The following C2CD5 variants were observed in gnomAD, a reference collection of about 807,000 sequenced individuals.
C2CD5 encodes C2 calcium dependent domain containing 5.
A neutral mutation model predicts 130.3 loss-of-function variants in C2CD5; 109 were observed. The ratio of observed to expected loss-of-function variants is 0.84; its 90% CI spans 0.72 to 0.98. The LOEUF (loss-of-function observed/expected upper bound fraction) is 0.98. C2CD5 is among the 50% of genes least tolerant of loss of function. The pLI, the probability that C2CD5 is intolerant of heterozygous loss-of-function variation, is 0.00. For synonymous variants in C2CD5, 454 were observed against 429.2 expected, an observed-to-expected ratio of 1.06 and a Z score of -0.71; for missense variants, 996 against 1,261.8, an observed-to-expected ratio of 0.79 and a Z score of 3.19.
At chr12:22,534,899 T>C (rs1324126513) in intron 3 of C2CD5, 1 of 163,144 alleles carries the variant, frequency 6.1e-6, no homozygotes, top group East Asian at 1.8e-4. Flanking sequence ...ACTGTACACT[T>C]ACAAATGATT....
At chr12:22,506,177 T>C (rs1948510437) in intron 10 of C2CD5, among the ~76,000 whole-genome samples, 3 of 152,126 alleles carry the variant, frequency 2.0e-5, no homozygotes, top group Admixed American at 2.0e-4. Flanking sequence ...CCCACAGTGT[T>C]TACATAGGTC....
intron 12 of C2CD5, among the ~76,000 whole-genome samples, chr12:22,487,848 G>T (rs988647778): frequency 3.3e-5 from 5 of 152,078 alleles, no homozygotes; most frequent in East Asian, 1.9e-4. Flanking sequence ...GTGGCACCTA[G>T]ACACCATGGA....
chr12:22,519,249 T>C, intron 7 of C2CD5: 2 of 1,534,698 alleles, frequency 1.3e-6, no homozygotes, highest in Non-Finnish European at 1.7e-6. Context: ...CCTGAGGGAA[T>C]TTGTGGTCAA....
chr12:22,485,269 T>A (rs1413477091), intron 12 of C2CD5, among the ~76,000 whole-genome samples: 1 of 151,856 alleles, frequency 6.6e-6, no homozygotes, highest in Admixed American at 6.6e-5. Context: ...ACAAAAAAAA[T>A]TCCCAAAGAA....
At chr12:22,525,841 G>C (rs1205251211) in intron 4 of C2CD5, 136 bp from the exon 5 acceptor site, 1 of 618,322 alleles carries the variant, frequency 1.6e-6, no homozygotes, top group African/African-American at 1.9e-5. Flanking sequence ...TTACCATGGT[G>C]CAAAACCATT....
chr12:22,473,856 T>G (rs142657144), intron 16 of C2CD5, among the ~76,000 whole-genome samples: 1 of 152,180 alleles, frequency 6.6e-6, no homozygotes, highest in Non-Finnish European at 1.5e-5. Context: ...TTTAACCTCC[T>G]TGACCTGAGA....
At chr12:22,469,196 T>C (rs1221496892) in intron 22 of C2CD5, among the ~76,000 whole-genome samples, 1 of 152,154 alleles carries the variant, frequency 6.6e-6, no homozygotes, top group Non-Finnish European at 1.5e-5. Flanking sequence ...GGCAGTGTCT[T>C]ATATAAGTAC....
intron 3 of C2CD5, among the ~76,000 whole-genome samples, chr12:22,532,073 G>C (rs1951331626): frequency 2.0e-5 from 3 of 152,144 alleles, no homozygotes; most frequent in Admixed American, 6.5e-5. Flanking sequence ...CATTACGCCT[G>C]TAATCCCAGC....
intron 8 of C2CD5, among the ~76,000 whole-genome samples, chr12:22,516,807 T>C (rs2136933149): frequency 6.6e-6 from 1 of 151,840 alleles, no homozygotes; most frequent in South Asian, 2.1e-4. Flanking sequence ...TTACTCTTTA[T>C]CTGAAAAAAA....
chr12:22,516,645 AAATAAT>A (rs985426486), intron 8 of C2CD5, among the ~76,000 whole-genome samples: 26 of 150,886 alleles, frequency 1.7e-4, no homozygotes, highest in Admixed American at 2.0e-4. Flanking sequence ...AAAAAAAATA[AAATAAT>A]AATAATAATA....
rs924597741 is a variant in C2CD5, at chr12:22,449,467, G to A, written c.*293C>T. On this transcript the variant is annotated 3_prime_UTR_variant, in exon 27 of 27. Coordinates refer to ENST00000446597, the MANE Select transcript of C2CD5 (RefSeq NM_001286176.2). Reference sequence around the variant, plus strand: ...CTTCCCATTTCATTTTTTAAATTATGATTTTATTAAAATCAACATAAATTA... The same window carrying A: ...CTTCCCATTTCATTTTTTAAATTATAATTTTATTAAAATCAACATAAATTA... 4.6e-6 allele frequency: 1 copy of A among 215,544 alleles called. No homozygotes were observed. The highest frequency in any genetic ancestry group is 8.8e-5 in the East Asian group (1 of 11,310). 13.4% of individuals were successfully genotyped at this position (215,544 alleles called of 1,614,324 possible). A position where few individuals can be genotyped will look rare whatever the true frequency, so the allele number is the denominator to read the frequency against.
intron 14 of C2CD5, among the ~76,000 whole-genome samples, chr12:22,479,957 A>G (rs1565692010): frequency 6.6e-6 from 1 of 152,210 alleles, no homozygotes; most frequent in Non-Finnish European, 1.5e-5. Context: ...AAATTAATCA[A>G]CTGCCAATTT....
At chr12:22,541,019 G>A (rs981465044) in intron 2 of C2CD5, among the ~76,000 whole-genome samples, 2 of 152,136 alleles carry the variant, frequency 1.3e-5, no homozygotes, top group Admixed American at 1.3e-4. Flanking sequence ...GGAGTCCTGG[G>A]TCTCACAGTT....
chr12:22,533,550 G>C (rs923890008), intron 3 of C2CD5, among the ~76,000 whole-genome samples: 6 of 152,132 alleles, frequency 3.9e-5, no homozygotes, highest in African/African-American at 1.2e-4. Context: ...GAAACTGCAG[G>C]GAGGTGGCTG....
intron 12 of C2CD5, among the ~76,000 whole-genome samples, chr12:22,487,315 G>T (rs1221565170): frequency 3.3e-5 from 5 of 152,054 alleles, no homozygotes; most frequent in Non-Finnish European, 5.9e-5. Flanking sequence ...ATCTGACAAA[G>T]GGCTAATATC....
chr12:22,458,291 A>G (rs1940382027), intron 24 of C2CD5, among the ~76,000 whole-genome samples, 193 bp downstream of exon 24: 1 of 152,226 alleles, frequency 6.6e-6, no homozygotes, highest in South Asian at 2.1e-4. Context: ...ACACAATTCT[A>G]TAGGTAAAAC....
intron 16 of C2CD5, among the ~76,000 whole-genome samples, chr12:22,473,287 T>C (rs1943334135): frequency 6.6e-6 from 1 of 152,120 alleles, no homozygotes; most frequent in South Asian, 2.1e-4. Flanking sequence ...CTGTGAATAA[T>C]AAATAGGGAA....
At chr12:22,459,632 G>T in intron 22 of C2CD5, 90 bp from the exon 23 acceptor site, 1 of 729,634 alleles carries the variant, frequency 1.4e-6, no homozygotes, top group Non-Finnish European at 2.3e-6. Flanking sequence ...CTATAAGCCA[G>T]AAGAATAGGA....
At chr12:22,516,019 A>T (rs1341966851) in intron 8 of C2CD5, among the ~76,000 whole-genome samples, 1 of 151,592 alleles carries the variant, frequency 6.6e-6, no homozygotes, top group Middle Eastern at 3.2e-3. Flanking sequence ...CCTACCAGAA[A>T]TACAGATAAT....
Sources: allele counts gnomAD v4.1 joint callset (sites outside exome capture counted in the v4.1 genomes callset), GRCh38; gene constraint gnomAD v4.1.1; transcripts MANE v1.5; gene names NCBI Gene and HGNC (gene_info 2026-07-23, HGNC 2026-07-21).